Variants in ZNF578 observed in about 807,000 individuals in gnomAD.
ZNF578 encodes the protein Putative chemokine-related protein B42.
A neutral mutation model predicts 8.3 loss-of-function variants in ZNF578; 8 were observed. The ratio of observed to expected loss-of-function variants is 0.96; its 90% CI spans 0.56 to 1.74. The LOEUF (loss-of-function observed/expected upper bound fraction) is 1.74, where lower values mean the gene tolerates loss of function less well. Ranked by LOEUF, ZNF578 falls within the 40% of genes most tolerant of loss-of-function variation. The probability of loss-of-function intolerance (pLI) is 0.00; values close to 1 mark genes in which losing one functional copy is unlikely to be tolerated. For missense variants in ZNF578, 726 were observed against 707.5 expected (o/e 1.03, Z -0.30); for synonymous variants, 206 against 232.2 (o/e 0.89, Z 1.03).
chr19:52,453,804 A>T (rs537540666), intron 1 of ZNF578, 197 bp downstream of exon 1: 29 of 119,386 alleles, frequency 2.4e-4, no homozygotes, highest in African/African-American at 8.7e-4. Context: ...CCTTCGGGCC[A>T]CGTAGACGCT....
At chr19:52,501,621 G>A (rs1407371432) in intron 3 of ZNF578, among the ~76,000 whole-genome samples, 3 of 148,838 alleles carry the variant, frequency 2.0e-5, no homozygotes, top group East Asian at 3.9e-4. Context: ...GCTGCTCCAG[G>A]AGGGGGGCGA....
At position 52,476,256 on chromosome 19, in the gene ZNF578, C is replaced by T. The variant is rs139302850; in HGVS notation, c.-121-15068C>T. On this transcript the variant is annotated intron_variant, in intron 2 of 5. Transcript: ENST00000421239. ...AAATCATGCCACAGTCACCATCTTC[C>T]GGGCTTTTTTGAGATAACAAACACT... Among the ~76,000 whole-genome samples the T allele has an allele frequency of 1.4e-3, 212 of 152,270 alleles. 1 individual carries two copies. Among genetic ancestry groups the T allele is most frequent in the Middle Eastern group, 3.4e-3 (1 of 292 alleles).
chr19:52,480,091 A>G (rs1000866591), intron 2 of ZNF578, among the ~76,000 whole-genome samples: 6 of 152,114 alleles, frequency 3.9e-5, no homozygotes, highest in African/African-American at 1.4e-4. Flanking sequence ...TTGTATTTTT[A>G]GTAGAGACGG....
At position 52,510,176 on chromosome 19, in the gene ZNF578, T is replaced by G. The variant is rs1392078344; in HGVS notation, c.191-396T>G. On this transcript the variant is annotated intron_variant, in intron 5 of 5. Transcript: ENST00000421239. Reference sequence around the variant, plus strand: ...ACCAATATAGTATATTGTGTGGTGTTTTTTTTTTGCATTTATTTGTACACA... The same window carrying G: ...ACCAATATAGTATATTGTGTGGTGTGTTTTTTTTGCATTTATTTGTACACA... 5.3e-5 allele frequency among the ~76,000 whole-genome samples: 8 copies of G among 151,582 alleles called. No individual in the cohort carries two copies. In the East Asian group the frequency reaches 1.2e-3, roughly 22 times the overall value.
rs1555751349 is a variant in ZNF578 at position 52,459,769 on chromosome 19, A to ATATATATTTTTTT, written c.-122+2812_-122+2813insATATATTTTTTTT. Among the ~76,000 whole-genome samples the ATATATATTTTTTT allele has an allele frequency of 5.8e-3, 102 of 17,620 alleles. 16 individuals are homozygous for ATATATATTTTTTT. Among genetic ancestry groups the ATATATATTTTTTT allele is most frequent in the Admixed American group, 9.1e-3 (5 of 550 alleles). 11.6% of individuals were successfully genotyped at this position (17,620 alleles called of 152,430 possible). A position where few individuals can be genotyped will look rare whatever the true frequency, so the allele number is the denominator to read the frequency against. ...TGTGTGTGTATATATATATATATAT[A>ATATATATTTTTTT]TTTTTTTTTTTTTTTTTTTTTTTTG... On this transcript the variant is annotated intron_variant, in intron 2 of 5. Coordinates refer to ENST00000421239, the MANE Select transcript of ZNF578 (RefSeq NM_001099694.2).
At chr19:52,490,029 C>A in intron 2 of ZNF578, among the ~76,000 whole-genome samples, 1 of 152,198 alleles carries the variant, frequency 6.6e-6, no homozygotes, top group Non-Finnish European at 1.5e-5. Flanking sequence ...CTGAACATCC[C>A]TTTTGGCCAA....
rs1271427327 is a variant in ZNF578, at chr19:52,513,469, G to A, written c.*1315G>A. Among the ~76,000 whole-genome samples the A allele has an allele frequency of 2.0e-5, 3 of 150,350 alleles. No individual in the cohort carries two copies. The highest frequency in any genetic ancestry group is 6.7e-5 in the Admixed American group (1 of 14,866). ...TATCAGGCTGGGTGTGGCAGCTCACGCCGGTAATCCCAGCACTTTGGGAGG... is the reference window on the plus strand; with the variant it reads ...TATCAGGCTGGGTGTGGCAGCTCACACCGGTAATCCCAGCACTTTGGGAGG... On this transcript the variant is annotated 3_prime_UTR_variant, in exon 6 of 6. Transcript: ENST00000421239.
At chr19:52,510,098 C>T (rs1280037982) in intron 5 of ZNF578, among the ~76,000 whole-genome samples, 1 of 151,894 alleles carries the variant, frequency 6.6e-6, no homozygotes, top group East Asian at 1.9e-4. Context: ...TTTGATAATA[C>T]AGAATTTCCA....
intron 2 of ZNF578, among the ~76,000 whole-genome samples, chr19:52,479,307 G>A (rs566267415): frequency 6.6e-5 from 10 of 151,846 alleles, no homozygotes; most frequent in African/African-American, 1.9e-4. Flanking sequence ...AGGCCGAGGC[G>A]GGCAGATCAT....
intron 5 of ZNF578, among the ~76,000 whole-genome samples, chr19:52,506,158 C>G (rs1380966884): frequency 7.2e-5 from 11 of 152,192 alleles, no homozygotes. Context: ...CCTCGGATTC[C>G]AAACTGCTGG....
intron 2 of ZNF578, among the ~76,000 whole-genome samples, chr19:52,483,020 G>A (rs1167812747): frequency 2.0e-5 from 3 of 151,858 alleles, no homozygotes; most frequent in Non-Finnish European, 4.4e-5. Context: ...TGAGGCAGGA[G>A]AATCATGCCA....
intron 2 of ZNF578, among the ~76,000 whole-genome samples, chr19:52,490,987 T>C (rs1393084789): frequency 6.6e-6 from 1 of 152,200 alleles, no homozygotes; most frequent in Admixed American, 6.5e-5. Context: ...ATATATACTT[T>C]TCTTCTCATT....
At chr19:52,466,211 A>G (rs1045534465) in intron 2 of ZNF578, among the ~76,000 whole-genome samples, 9 of 152,230 alleles carry the variant, frequency 5.9e-5, no homozygotes, top group Non-Finnish European at 1.2e-4. Context: ...CTGAAGCAGC[A>G]TAAACTTTAC....
At chr19:52,455,193 C>CTTTTTTTTTTT (rs10607252) in intron 1 of ZNF578, 15 of 98,372 alleles carry the variant, frequency 1.5e-4, no homozygotes, top group African/African-American at 5.9e-4. Context: ...GCCTTTCTAT[C>CTTTTTTTTTTT]TTTTTTTTTT....
rs1460460735 is a variant in ZNF578, at chr19:52,488,282, C to T, written c.-121-3042C>T. Among the ~76,000 whole-genome samples the T allele has an allele frequency of 5.3e-5, 8 of 151,070 alleles. No homozygotes were observed. The South Asian group carries it at 6.6e-4, about 12-fold the overall frequency. On this transcript the variant is annotated intron_variant, in intron 2 of 5. Coordinates refer to ENST00000421239, the MANE Select transcript of ZNF578 (RefSeq NM_001099694.2). The stretch of plus-strand genomic sequence containing the variant: ...AGTTTTTAAAAGGGACATTAGGCTG[C>T]GGTGGCTCACACCTGTAATCCCAGC...
rs1455993500 is a variant in ZNF578, at chr19:52,513,428, G to A, written c.*1274G>A. 7.1e-6 allele frequency among the ~76,000 whole-genome samples: 1 copy of A among 140,742 alleles called. No individual in the cohort carries two copies. Among genetic ancestry groups the A allele is most frequent in the East Asian group, 2.2e-4 (1 of 4,542 alleles). 92.3% of individuals were successfully genotyped at this position (140,742 alleles called of 152,430 possible). A position where few individuals can be genotyped will look rare whatever the true frequency, so the allele number is the denominator to read the frequency against. ...TACTTTTTTAAAGGGATATACCATAGTAGTTTTAAAAGGGATATCAGGCTG... is the reference window on the plus strand; with the variant it reads ...TACTTTTTTAAAGGGATATACCATAATAGTTTTAAAAGGGATATCAGGCTG... On this transcript the variant is annotated 3_prime_UTR_variant, in exon 6 of 6. Coordinates refer to ENST00000421239, the MANE Select transcript of ZNF578 (RefSeq NM_001099694.2).
intron 2 of ZNF578, among the ~76,000 whole-genome samples, chr19:52,481,692 G>A (rs2059326969): frequency 6.6e-6 from 1 of 152,108 alleles, no homozygotes; most frequent in African/African-American, 2.4e-5. Flanking sequence ...GGGAAGTGAA[G>A]TGGGAGAAAA....
intron 4 of ZNF578, among the ~76,000 whole-genome samples, chr19:52,504,166 C>A (rs1421678181): frequency 6.9e-6 from 1 of 144,306 alleles, no homozygotes; most frequent in Non-Finnish European, 1.5e-5. Flanking sequence ...TCTTGGCTCA[C>A]TGCGGCCTCC....
At position 52,496,969 on chromosome 19, in the gene ZNF578, G is replaced by A. The variant is rs116937783; in HGVS notation, c.-19-4858G>A. On this transcript the variant is annotated intron_variant, in intron 3 of 5. Transcript: ENST00000421239. ...TTTATTTTTTTGAGACACTCTTGCT[G>A]TTGTCCAGGCTGGAGTGCAGTGGCA... Among the ~76,000 whole-genome samples, 31 of 152,156 alleles carry A rather than the reference G, an allele frequency of 2.0e-4. 1 individual carries two copies. In the East Asian group the frequency reaches 5.8e-3, roughly 29 times the overall value.
Sources: gnomAD v4.1 joint callset for allele counts (sites outside exome capture counted in the v4.1 genomes callset) on GRCh38, gnomAD v4.1.1 for gene constraint, MANE v1.5 for transcripts, NCBI Gene and HGNC (gene_info 2026-07-23, HGNC 2026-07-21) for gene names.